BLM: variants seen among roughly 807,000 people sequenced by gnomAD.
BLM encodes the protein BLM RecQ like helicase, also known as recQ-like DNA helicase BLM.
In BLM, 95 loss-of-function variants were observed where a neutral mutation model predicts 135.3. The ratio of observed to expected loss-of-function variants is 0.70; its 90% CI spans 0.59 to 0.83. BLM has a LOEUF of 0.83. Among genes scored for constraint, BLM ranks in the 40% least tolerant of loss-of-function variants. The pLI, the probability that BLM is intolerant of heterozygous loss-of-function variation, is 0.00. For synonymous variants in BLM, 520 were observed against 589.2 expected (o/e 0.88, Z 1.70); for missense variants, 1,518 against 1,663.9 (o/e 0.91, Z 1.53).
chr15:90,738,921 T>C (rs1316213742), intron 1 of BLM, among the ~76,000 whole-genome samples: 1 of 152,232 alleles, frequency 6.6e-6, no homozygotes, highest in East Asian at 1.9e-4. Context: ...AACAGTGTGG[T>C]GGTTCCTTAA....
At chr15:90,756,126 C>T (rs1218216454) in intron 5 of BLM, among the ~76,000 whole-genome samples, 8 of 148,406 alleles carry the variant, frequency 5.4e-5, no homozygotes, top group Admixed American at 1.3e-4. Context: ...TTTTTTGAGA[C>T]GGAGTCTCGC....
rs147841133 is a variant in BLM at position 90,748,307 on chromosome 15, C to T, written c.98+817C>T. On this transcript the variant is annotated intron_variant, in intron 2 of 21. Transcript: ENST00000355112. ...ATTTTTAGTAGAGACAGGATTTGTC[C>T]ATGTTGGGCAGACTGGTCTCAAACT... is the stretch of plus-strand genomic sequence containing the variant. 3.2e-3 allele frequency among the ~76,000 whole-genome samples: 491 copies of T among 151,968 alleles called. 3 individuals are homozygous for T. Among genetic ancestry groups the T allele is most frequent in the Middle Eastern group, 6.8e-3 (2 of 294 alleles).
intron 1 of BLM, among the ~76,000 whole-genome samples, chr15:90,729,131 G>A (rs1006460458): frequency 5.9e-5 from 9 of 152,040 alleles, no homozygotes; most frequent in Admixed American, 5.2e-4. Context: ...CCAACGTGGC[G>A]AAACTCCATC....
At chr15:90,741,225 GAT>G (rs1192604626) in intron 1 of BLM, among the ~76,000 whole-genome samples, 1 of 152,142 alleles carries the variant, frequency 6.6e-6, no homozygotes, top group African/African-American at 2.4e-5. Flanking sequence ...ATTTGTGAAA[GAT>G]ATTTTTTCTG....
At chr15:90,743,014 T>C (rs992415281) in intron 1 of BLM, among the ~76,000 whole-genome samples, 4 of 151,796 alleles carry the variant, frequency 2.6e-5, no homozygotes, top group Non-Finnish European at 5.9e-5. Flanking sequence ...TTTTTTTTTT[T>C]TTTAAACACA....
At position 90,760,928 on chromosome 15, in the gene BLM, T is replaced by C; in HGVS notation, c.1555T>C (p.Tyr519His). 1 of 1,614,086 alleles carries C rather than the reference T, an allele frequency of 6.2e-7. No individual in the cohort carries two copies. The highest frequency in any genetic ancestry group is 8.5e-7 in the Non-Finnish European group (1 of 1,180,028). ...PRLGKKNESS[Y>H]FPGNVLTSTA... ...ACTAGGAAAAAAAAATGAAAGCTCT[T>C]ATTTCCCAGGAAATGTTCTCACAAG... The change falls in exon 7 of 22, where the codon TAT becomes CAT. Residue 519 changes from tyrosine (Y) to histidine (H), a missense_variant. Around this residue, in one of 5 missense-constraint regions of BLM, gnomAD observed 724 missense variants for 756.9 expected, o/e 0.96. Transcript: ENST00000355112.
chr15:90,792,093 TC>T (rs1555423179), intron 15 of BLM, among the ~76,000 whole-genome samples: 3 of 95,854 alleles, frequency 3.1e-5, no homozygotes, highest in Admixed American at 9.3e-5. Context: ...CTTTTTTTTT[TC>T]TTTTTTTTTT....
intron 14 of BLM, among the ~76,000 whole-genome samples, chr15:90,787,791 A>C (rs1896790478): frequency 6.6e-6 from 1 of 152,048 alleles, no homozygotes; most frequent in Non-Finnish European, 1.5e-5. Context: ...CTCTACTAAA[A>C]ATACAAAAAT....
intron 12 of BLM, among the ~76,000 whole-genome samples, chr15:90,778,865 T>C (rs1233072685): frequency 6.6e-6 from 1 of 151,860 alleles, no homozygotes; most frequent in Non-Finnish European, 1.5e-5. Context: ...TTGGGTCATA[T>C]AGAAACTCTA....
At chr15:90,807,301 TTC>T (rs1381634753) in intron 19 of BLM, among the ~76,000 whole-genome samples, 3 of 152,252 alleles carry the variant, frequency 2.0e-5, no homozygotes, top group Non-Finnish European at 4.4e-5. Flanking sequence ...GGCATCTTCT[TTC>T]TTAGGTCACG....
At chr15:90,783,019 C>T (rs1896657497) in intron 13 of BLM, 91 bp downstream of exon 13, 4 of 1,027,266 alleles carry the variant, frequency 3.9e-6, no homozygotes, top group African/African-American at 1.6e-5. Flanking sequence ...TTAAACATTC[C>T]TTTTTGCATT....
intron 12 of BLM, among the ~76,000 whole-genome samples, chr15:90,770,542 T>C (rs371540315): frequency 2.6e-5 from 4 of 152,220 alleles, no homozygotes; most frequent in South Asian, 2.1e-4. Flanking sequence ...TGTAGAGATA[T>C]GGATTCTTTG....
At position 90,794,313 on chromosome 15, in the gene BLM, A is replaced by G; in HGVS notation, c.3166A>G (p.Lys1056Glu). 1 of 1,606,100 alleles carries G rather than the reference A, an allele frequency of 6.2e-7. No individual in the cohort carries two copies. The highest frequency in any genetic ancestry group is 8.5e-7 in the Non-Finnish European group (1 of 1,176,066). Reference protein sequence around the residue: ...GENGFNPDFCKKHPDVSCDNC... With the variant: ...GENGFNPDFCEKHPDVSCDNC... ...AAATGGATTTAATCCTGATTTTTGTAAGAAACACCCAGATGTTTCTTGTGA... is the reference window on the plus strand; with the variant it reads ...AAATGGATTTAATCCTGATTTTTGTGAGAAACACCCAGATGTTTCTTGTGA... The change falls in exon 16 of 22, where the codon AAG becomes GAG. Residue 1056 changes from lysine to glutamate, a missense_variant. Physicochemically the swap from Lys to Glu is moderately conservative, Grantham distance 56 (BLOSUM62 1). Transcript: ENST00000355112.
chr15:90,785,390 A>G (rs1263564855), intron 14 of BLM, among the ~76,000 whole-genome samples: 6 of 152,160 alleles, frequency 3.9e-5, no homozygotes, highest in Non-Finnish European at 8.8e-5. Context: ...TTTGATCACC[A>G]TAAAAAGAAA....
chr15:90,787,111 G>A (rs1300125970), intron 14 of BLM, among the ~76,000 whole-genome samples: 1 of 126,336 alleles, frequency 7.9e-6, no homozygotes, highest in Non-Finnish European at 1.6e-5. Flanking sequence ...GTGCAGTGGC[G>A]CGATCTCAGC....
chr15:90,775,000 C>T (rs1377443425), intron 12 of BLM, among the ~76,000 whole-genome samples: 1 of 152,108 alleles, frequency 6.6e-6, no homozygotes, highest in Non-Finnish European at 1.5e-5. Flanking sequence ...GTGGCTTGAT[C>T]TGAACTGTGT....
chr15:90,720,458 CTT>C (rs1894735221), intron 1 of BLM, among the ~76,000 whole-genome samples: 1 of 152,138 alleles, frequency 6.6e-6, no homozygotes, highest in Admixed American at 6.6e-5. Context: ...CTTTCAAACA[CTT>C]GAACTATTTT....
chr15:90,746,244 C>G (rs1048402265), intron 1 of BLM, among the ~76,000 whole-genome samples: 2 of 152,112 alleles, frequency 1.3e-5, no homozygotes, highest in Admixed American at 6.5e-5. Flanking sequence ...ATTGTTGAAT[C>G]TGGGTGATAG....
chr15:90,770,685 T>G (rs1896289504), intron 12 of BLM, among the ~76,000 whole-genome samples: 1 of 152,148 alleles, frequency 6.6e-6, no homozygotes, highest in Admixed American at 6.6e-5. Flanking sequence ...CCTGAAGGAG[T>G]AATGACTGAA....
Sources: gnomAD v4.1 joint callset for allele counts (sites outside exome capture counted in the v4.1 genomes callset) on GRCh38, gnomAD v4.1.1 for gene constraint, gnomAD v4.1.1 regional missense constraint, MANE v1.5 for transcripts, NCBI Gene and HGNC (gene_info 2026-07-23, HGNC 2026-07-21) for gene names.